BMPR1A: variants seen among roughly 807,000 people sequenced by gnomAD.
The protein encoded by BMPR1A is bone morphogenetic protein receptor type-1A.
BMPR1A carries 7 observed loss-of-function variants against 66.0 expected under a neutral mutation model. The ratio of observed to expected loss-of-function variants is 0.11; its 90% CI spans 0.06 to 0.20. The LOEUF (loss-of-function observed/expected upper bound fraction) is 0.20, where lower values mean the gene tolerates loss of function less well. BMPR1A is among the 10% of genes least tolerant of loss of function. The pLI, the probability that BMPR1A is intolerant of heterozygous loss-of-function variation, is 1.00. For synonymous variants in BMPR1A, 200 were observed against 229.7 expected (o/e 0.87, Z 1.17); for missense variants, 408 against 669.1 (o/e 0.61, Z 4.31).
In BMPR1A at chr10:86,837,231, CTGTGTGTGTGTGTGTCTGTGTG is replaced by C. The variant is rs776785370; in HGVS notation, c.-267-1618_-267-1597del. On this transcript the variant is annotated intron_variant, in intron 1 of 12. Coordinates refer to ENST00000372037, the MANE Select transcript of BMPR1A (RefSeq NM_004329.3). ...AATATCTGGCAGAATTAGAATCAGG[CTGTGTGTGTGTGTGTCTGTGTG>C]TGTGTGTGTGTGTGTGTGTGTAATC... is the stretch of plus-strand genomic sequence containing the variant. Among the ~76,000 whole-genome samples, 97 of 143,748 alleles carry C rather than the reference CTGTGTGTGTGTGTGTCTGTGTG, an allele frequency of 6.7e-4. 1 individual carries two copies. The South Asian group carries it at 9.8e-3, about 15-fold the overall frequency. 94.3% of individuals were successfully genotyped at this position (143,748 alleles called of 152,430 possible).
At chr10:86,858,605 C>T (rs1842675691) in intron 2 of BMPR1A, among the ~76,000 whole-genome samples, 1 of 151,938 alleles carries the variant, frequency 6.6e-6, no homozygotes, top group Non-Finnish European at 1.5e-5. Context: ...TTGCAGAGTA[C>T]AAAATCAATA....
intron 1 of BMPR1A, among the ~76,000 whole-genome samples, chr10:86,834,097 TC>T (rs1842308696): frequency 6.6e-6 from 1 of 152,178 alleles, no homozygotes; most frequent in African/African-American, 2.4e-5. Context: ...AGAAAACTTT[TC>T]CTAAAAGCTC....
intron 1 of BMPR1A, among the ~76,000 whole-genome samples, chr10:86,782,056 T>A (rs188724974): frequency 0.21 from 3 of 14 alleles, no homozygotes; most frequent in Non-Finnish European, 0.38. Flanking sequence ...AGAGACGGGG[T>A]TTCACTACGT....
chr10:86,800,757 CTATTTA>C (rs1841801203), intron 1 of BMPR1A, among the ~76,000 whole-genome samples: 2 of 152,290 alleles, frequency 1.3e-5, no homozygotes, highest in South Asian at 4.2e-4. Flanking sequence ...ATGAACATTT[CTATTTA>C]TATCTGTCAA....
intron 1 of BMPR1A, among the ~76,000 whole-genome samples, chr10:86,772,125 GGT>G (rs938051703): frequency 1.6e-5 from 2 of 122,532 alleles, no homozygotes; most frequent in African/African-American, 6.8e-5. Context: ...GTCAGAGATA[GGT>G]TTTTTTTTTT....
chr10:86,800,804 T>C (rs1402505728), intron 1 of BMPR1A, among the ~76,000 whole-genome samples: 1 of 152,268 alleles, frequency 6.6e-6, no homozygotes, highest in Admixed American at 6.5e-5. Context: ...TAAGACATAA[T>C]TCATAGCAAT....
intron 1 of BMPR1A, among the ~76,000 whole-genome samples, chr10:86,802,555 A>G (rs1305806180): frequency 3.9e-5 from 6 of 151,968 alleles, no homozygotes; most frequent in Non-Finnish European, 2.9e-5. Flanking sequence ...CCTTTAGAAC[A>G]TTTGCTTATA....
Position 86,760,832 on chromosome 10 carries a change from A to C in BMPR1A, c.-268+3913A>C, listed in dbSNP as rs987946896. 3.3e-5 allele frequency among the ~76,000 whole-genome samples: 5 copies of C among 152,316 alleles called. 1 individual carries two copies. In the South Asian group the frequency reaches 1.0e-3, roughly 32 times the overall value. ...TTTAGGATGTCTTTTTAACATCACAAGGTCCATATTGACCAAGTTGGACCA... is the reference window on the plus strand; with the variant it reads ...TTTAGGATGTCTTTTTAACATCACACGGTCCATATTGACCAAGTTGGACCA... On this transcript the variant is annotated intron_variant, in intron 1 of 12. Coordinates refer to ENST00000372037, the MANE Select transcript of BMPR1A (RefSeq NM_004329.3).
At chr10:86,915,182 T>A (rs1843547300) in intron 8 of BMPR1A, among the ~76,000 whole-genome samples, 1 of 152,024 alleles carries the variant, frequency 6.6e-6, no homozygotes, top group South Asian at 2.1e-4. Context: ...TGCACCACCA[T>A]GCCCAGCTAA....
chr10:86,871,369 G>T (rs1001438795), intron 2 of BMPR1A, among the ~76,000 whole-genome samples: 2 of 152,152 alleles, frequency 1.3e-5, no homozygotes, highest in Non-Finnish European at 2.9e-5. Context: ...GGCTGGGCCT[G>T]TTTGGCTCTG....
intron 2 of BMPR1A, among the ~76,000 whole-genome samples, chr10:86,871,646 A>G (rs570955275): frequency 3.3e-5 from 5 of 152,058 alleles, no homozygotes; most frequent in African/African-American, 7.2e-5. Context: ...CCCCATCTCA[A>G]CAGAAAATAC....
At chr10:86,781,584 A>G (rs1438819236) in intron 1 of BMPR1A, among the ~76,000 whole-genome samples, 1 of 152,082 alleles carries the variant, frequency 6.6e-6, no homozygotes, top group African/African-American at 2.4e-5. Context: ...TAGGGATTGC[A>G]TTGGATCTGT....
intron 5 of BMPR1A, among the ~76,000 whole-genome samples, chr10:86,893,455 G>A (rs958429155): frequency 7.9e-5 from 12 of 152,170 alleles, no homozygotes; most frequent in Non-Finnish European, 1.3e-4. Context: ...CATAATTTAA[G>A]TCTCAGCTAT....
At chr10:86,923,257 A>G (rs530384916) in intron 11 of BMPR1A, 119 bp from the exon 12 acceptor site, 57 of 1,317,202 alleles carry the variant, frequency 4.3e-5, no homozygotes, top group African/African-American at 1.9e-4. Flanking sequence ...CATAGTGTCT[A>G]TATTTTTTCT....
rs898965786 is a variant in BMPR1A at position 86,917,993 on chromosome 10, C to G, written c.868+667C>G. On this transcript the variant is annotated intron_variant, in intron 9 of 12. Transcript: ENST00000372037. The stretch of plus-strand genomic sequence containing the variant: ...GTTTAAAACCAAGGTGTTGGCAGAG[C>G]TGTTGTGTCTCTGAATACTCTAGAG... Among the ~76,000 whole-genome samples the G allele has an allele frequency of 2.0e-5, 3 of 152,162 alleles. No homozygotes were observed. In the East Asian group the frequency reaches 5.8e-4, roughly 29 times the overall value.
intron 1 of BMPR1A, among the ~76,000 whole-genome samples, chr10:86,765,654 A>G (rs1589704987): frequency 6.6e-6 from 1 of 152,164 alleles, no homozygotes; most frequent in Non-Finnish European, 1.5e-5. Context: ...GCTAATACAC[A>G]TGGTGAAACT....
chr10:86,765,989 C>CTTTTTT (rs67035271), intron 1 of BMPR1A, among the ~76,000 whole-genome samples: 1 of 131,798 alleles, frequency 7.6e-6, no homozygotes, highest in South Asian at 2.5e-4. Context: ...TTTCCTCATT[C>CTTTTTT]TTTTTTTTTT....
chr10:86,810,543 A>G (rs1841954179), intron 1 of BMPR1A, among the ~76,000 whole-genome samples: 1 of 152,206 alleles, frequency 6.6e-6, no homozygotes, highest in Non-Finnish European at 1.5e-5. Flanking sequence ...GCAGGTTATA[A>G]AAGTTCCAGC....
chr10:86,899,945 A>G (rs1843285004), intron 6 of BMPR1A, 55 bp downstream of exon 6: 20 of 1,608,384 alleles, frequency 1.2e-5, no homozygotes, highest in Non-Finnish European at 1.7e-5. Context: ...CTCTGGTTTT[A>G]CAGTAACCAG....
Sources: gnomAD v4.1 joint callset for allele counts (sites outside exome capture counted in the v4.1 genomes callset) on GRCh38, gnomAD v4.1.1 for gene constraint, MANE v1.5 for transcripts, NCBI Gene and HGNC (gene_info 2026-07-23, HGNC 2026-07-21) for gene names.